The following VHL variants were observed in gnomAD, a reference collection of about 807,000 sequenced individuals.
VHL encodes von Hippel-Lindau tumor suppressor, also known as von Hippel-Lindau disease tumor suppressor.
Under a neutral mutation model 19.2 loss-of-function variants are expected in VHL, and 10 were observed. That is an observed-to-expected ratio of 0.52 (90% CI 0.32 to 0.89). The LOEUF is 0.89. Ranked by LOEUF, VHL falls within the 40% of genes least tolerant of loss-of-function variation. The probability of loss-of-function intolerance (pLI) is 0.03; values close to 1 mark genes in which losing one functional copy is unlikely to be tolerated. For missense variants in VHL, 328 were observed against 292.7 expected (o/e 1.12, Z -0.88); for synonymous variants, 167 against 129.5 (o/e 1.29, Z -1.97).
chr3:10,150,113 C>G lies in VHL; in HGVS notation c.*148C>G, dbSNP rs771626617. 3.3e-5 allele frequency: 50 copies of G among 1,521,470 alleles called. No homozygotes were observed. Among genetic ancestry groups the G allele is most frequent in the Admixed American group, 1.8e-4 (9 of 49,936 alleles). 94.2% of individuals were successfully genotyped at this position (1,521,470 alleles called of 1,614,324 possible). A position where few individuals can be genotyped will look rare whatever the true frequency, so the allele number is the denominator to read the frequency against. On this transcript the variant is annotated 3_prime_UTR_variant, in exon 3 of 3. Transcript: ENST00000256474. Reference sequence around the variant, plus strand: ...GCACCATTGCTTAAAAGAAAGTTAACTGACTTCACTAGGCATTGTGATGTT... The same window carrying G: ...GCACCATTGCTTAAAAGAAAGTTAAGTGACTTCACTAGGCATTGTGATGTT...
chr3:10,150,348 T>TAAAAG lies in VHL; in HGVS notation c.*383_*384insAAAAG. The TAAAAG allele has an allele frequency of 1.6e-6, 2 of 1,239,566 alleles. No homozygotes were observed. The highest frequency in any genetic ancestry group is 3.7e-5 in the East Asian group (1 of 27,148). The allele number at this position is 1,239,566 out of a possible 1,614,324, so 76.8% of individuals were successfully genotyped here. ...TTTAATGGATGTATAATACATCCATTCTACATCCGTAGCGGTTGGTGACTT... is the reference window on the plus strand; with the variant it reads ...TTTAATGGATGTATAATACATCCATTAAAAGCTACATCCGTAGCGGTTGGTGACTT... On this transcript the variant is annotated 3_prime_UTR_variant, in exon 3 of 3. Transcript: ENST00000256474.
chr3:10,142,598 C>G lies in VHL; in HGVS notation c.340+411C>G, dbSNP rs1696154007. 1.4e-5 allele frequency: 3 copies of G among 209,910 alleles called. No homozygotes were observed. The South Asian group carries it at 1.9e-4, about 13-fold the overall frequency. The allele number at this position is 209,910 out of a possible 1,614,324, so 13.0% of individuals were successfully genotyped here. A position where few individuals can be genotyped will look rare whatever the true frequency, so the allele number is the denominator to read the frequency against. ...TGACCTCGTGATCCGCCCGCCTCGG[C>G]CTCCCAAAGTGCTGGGCTTATGGGC... On this transcript the variant is annotated intron_variant, in intron 1 of 2. Transcript: ENST00000256474.
chr3:10,142,351 T>TTTC (rs1172480011), intron 1 of VHL, among the ~76,000 whole-genome samples, 164 bp downstream of exon 1: 5 of 144,720 alleles, frequency 3.5e-5, no homozygotes, highest in Non-Finnish European at 7.6e-5. Flanking sequence ...CTTTTTTTTT[T>TTTC]TTTTTTTTTT....
rs1328446434 is a variant in VHL at position 10,150,867 on chromosome 3, T to A, written c.*902T>A. Reference sequence around the variant, plus strand: ...TAAATATGTGACATTCCTGATTGATTTGGGTTTTTTTGTTGTTGTTGTTTT... The same window carrying A: ...TAAATATGTGACATTCCTGATTGATATGGGTTTTTTTGTTGTTGTTGTTTT... On this transcript the variant is annotated 3_prime_UTR_variant, in exon 3 of 3. Transcript: ENST00000256474. 4.4e-6 allele frequency: 1 copy of A among 228,840 alleles called. No individual in the cohort carries two copies. The highest frequency in any genetic ancestry group is 8.7e-6 in the Non-Finnish European group (1 of 115,376). The allele number at this position is 228,840 out of a possible 1,614,324, so 14.2% of individuals were successfully genotyped here. A position where few individuals can be genotyped will look rare whatever the true frequency, so the allele number is the denominator to read the frequency against.
rs779910104 is a variant in VHL, at chr3:10,141,959, T to G, written c.112T>G (p.Ser38Ala). The change falls in exon 1 of 3, where the codon TCC becomes GCC. Residue 38 changes from serine (S) to alanine (A), a missense_variant. Coordinates refer to ENST00000256474, the MANE Select transcript of VHL (RefSeq NM_000551.4). Reference sequence around the variant, plus strand: ...CGGGGAGGAGTCGGGCGCCGAGGAGTCCGGCCCGGAAGAGTCCGGCCCGGA... The same window carrying G: ...CGGGGAGGAGTCGGGCGCCGAGGAGGCCGGCCCGGAAGAGTCCGGCCCGGA... ...DGGEESGAEE[S>A]GPEESGPEEL... 3 of 1,544,482 alleles carry G rather than the reference T, an allele frequency of 1.9e-6. No homozygotes were observed. The highest frequency in any genetic ancestry group is 2.0e-4 in the Middle Eastern group (1 of 5,098).
At chr3:10,146,976 G>A (rs1362806007) in intron 2 of VHL, among the ~76,000 whole-genome samples, 1 of 151,954 alleles carries the variant, frequency 6.6e-6, no homozygotes, top group Non-Finnish European at 1.5e-5. Flanking sequence ...AATGTGTAGA[G>A]CATGAGATAT....
At chr3:10,149,710 T>C (rs1276484028) in intron 2 of VHL, 77 bp from the exon 3 acceptor site, 26 of 1,274,242 alleles carry the variant, frequency 2.0e-5, no homozygotes, top group Non-Finnish European at 2.8e-5. Flanking sequence ...TACAGGTAGT[T>C]GTTGGCAAAG....
intron 2 of VHL, among the ~76,000 whole-genome samples, chr3:10,147,223 G>A (rs112376325): frequency 2.8e-4 from 43 of 152,144 alleles, no homozygotes; most frequent in African/African-American, 1.0e-3. Flanking sequence ...TGTTAGCCAG[G>A]ATGGTCTCCA....
chr3:10,150,316 A>G lies in VHL; in HGVS notation c.*351A>G, dbSNP rs947143104. 17 of 1,269,366 alleles carry G rather than the reference A, an allele frequency of 1.3e-5. No homozygotes were observed. Among genetic ancestry groups the G allele is most frequent in the Non-Finnish European group, 1.6e-5 (16 of 994,138 alleles). The allele number at this position is 1,269,366 out of a possible 1,614,324, so 78.6% of individuals were successfully genotyped here. A position where few individuals can be genotyped will look rare whatever the true frequency, so the allele number is the denominator to read the frequency against. On this transcript the variant is annotated 3_prime_UTR_variant, in exon 3 of 3. Coordinates refer to ENST00000256474, the MANE Select transcript of VHL (RefSeq NM_000551.4). ...CGTTTAATTTTAAGAAGGCATTGGC[A>G]TCTGCTTTTAATGGATGTATAATAC...
chr3:10,146,600 G>C lies in VHL; in HGVS notation c.427G>C (p.Asp143His), dbSNP rs372757722. Residue 143 changes from aspartate (D) to histidine (H), a missense_variant, in exon 2 of 3, where the codon GAC becomes CAC. Physicochemically the swap from Asp to His is moderately conservative, Grantham distance 81 (BLOSUM62 -1). Transcript: ENST00000256474. ...TELFVPSLNV[D>H]GQPIFANITL... ...ATTATTTGTGCCATCTCTCAATGTT[G>C]ACGGACAGCCTATTTTTGCCAATAT... is the stretch of plus-strand genomic sequence containing the variant. 2.5e-6 allele frequency: 4 copies of C among 1,613,904 alleles called. No homozygotes were observed. The African/African-American group carries it at 5.3e-5, about 22-fold the overall frequency.
At chr3:10,149,354 C>A (rs1256228039) in intron 2 of VHL, among the ~76,000 whole-genome samples, 2 of 152,130 alleles carry the variant, frequency 1.3e-5, no homozygotes, top group African/African-American at 2.4e-5. Flanking sequence ...CTCAGGCGAT[C>A]TACTGACGTT....
intron 1 of VHL, among the ~76,000 whole-genome samples, chr3:10,144,305 T>TA (rs34726585): frequency 0.78 from 113,927 of 145,912 alleles, 45,092 homozygotes; most frequent in East Asian, 0.85. Context: ...TGTCTGTATT[T>TA]AAAAAAAAAA....
chr3:10,150,130 T>A lies in VHL; in HGVS notation c.*165T>A. ...AAAGTTAACTGACTTCACTAGGCATTGTGATGTTTAGGGGCAAACATCACA... is the reference window on the plus strand; with the variant it reads ...AAAGTTAACTGACTTCACTAGGCATAGTGATGTTTAGGGGCAAACATCACA... On this transcript the variant is annotated 3_prime_UTR_variant, in exon 3 of 3. Transcript: ENST00000256474. The A allele has an allele frequency of 6.7e-7, 1 of 1,503,194 alleles. No homozygotes were observed. Among genetic ancestry groups the A allele is most frequent in the South Asian group, 1.2e-5 (1 of 80,612 alleles). 93.1% of individuals were successfully genotyped at this position (1,503,194 alleles called of 1,614,324 possible).
intron 2 of VHL, 149 bp downstream of exon 2, chr3:10,146,785 AT>A: frequency 9.1e-7 from 1 of 1,098,904 alleles, no homozygotes; most frequent in South Asian, 1.3e-5. Context: ...CATAAATAAA[AT>A]GGAAGTGATG....
rs1398333169 is a variant in VHL at position 10,141,958 on chromosome 3, G to C, written c.111G>C (p.Glu37Asp). ...EDGGEESGAE[E>D]SGPEESGPEE... is the part of the protein sequence containing the mutation. ...GCGGGGAGGAGTCGGGCGCCGAGGA[G>C]TCCGGCCCGGAAGAGTCCGGCCCGG... Residue 37 changes from glutamate to aspartate, a missense_variant, in exon 1 of 3, where the codon GAG becomes GAC. Coordinates refer to ENST00000256474, the MANE Select transcript of VHL (RefSeq NM_000551.4). The C allele has an allele frequency of 3.2e-6, 5 of 1,548,648 alleles. No homozygotes were observed. The South Asian group carries it at 5.9e-5, about 18-fold the overall frequency.
At chr3:10,146,236 C>G (rs547876727) in intron 1 of VHL, among the ~76,000 whole-genome samples, 1 of 149,194 alleles carries the variant, frequency 6.7e-6, no homozygotes, top group Non-Finnish European at 1.5e-5. Flanking sequence ...TGCAGTGGCG[C>G]GATCTCGGCT....
chr3:10,149,869 G>T lies in VHL; in HGVS notation c.546G>T (p.Arg182Ser), dbSNP rs1224916824. Residue 182 changes from arginine to serine, a missense_variant, in exon 3 of 3, where the codon AGG (arginine) becomes AGT (serine). By Grantham distance (110) the Arg-to-Ser change is moderately radical (BLOSUM62 -1). Transcript: ENST00000256474. The stretch of plus-strand genomic sequence containing the variant: ...ATTACAGGAGACTGGACATCGTCAG[G>T]TCGCTCTACGAAGATCTGGAAGACC... ...PENYRRLDIV[R>S]SLYEDLEDHP... is the part of the protein sequence containing the mutation. 1.9e-6 allele frequency: 3 copies of T among 1,614,200 alleles called. 1 individual carries two copies. The South Asian group carries it at 3.3e-5, about 18-fold the overall frequency.
At chr3:10,146,326 A>G (rs900779042) in intron 1 of VHL, among the ~76,000 whole-genome samples, 188 bp from the exon 2 acceptor site, 21 of 151,844 alleles carry the variant, frequency 1.4e-4, no homozygotes, top group African/African-American at 4.6e-4. Flanking sequence ...GGCGCTCGCC[A>G]CCACACCTGG....
rs987670791 is a variant in VHL, at chr3:10,153,265, G to T, written c.*3300G>T. On this transcript the variant is annotated 3_prime_UTR_variant, in exon 3 of 3. Coordinates refer to ENST00000256474, the MANE Select transcript of VHL (RefSeq NM_000551.4). ...TGCACTCTAACCTGGGCGACAGAGT[G>T]AGACACCGTCTCAAAAAAAAAAACA... is the stretch of plus-strand genomic sequence containing the variant. 6.6e-6 allele frequency among the ~76,000 whole-genome samples: 1 copy of T among 151,668 alleles called. No homozygotes were observed. The highest frequency in any genetic ancestry group is 1.5e-5 in the Non-Finnish European group (1 of 67,950).
Sources: allele counts gnomAD v4.1 joint callset (sites outside exome capture counted in the v4.1 genomes callset), GRCh38; gene constraint gnomAD v4.1.1; transcripts MANE v1.5; gene names NCBI Gene and HGNC (gene_info 2026-07-23, HGNC 2026-07-21).